GSTO2: variants seen among roughly 807,000 people sequenced by gnomAD.
GSTO2 encodes the protein glutathione S-transferase omega 2.
In GSTO2, 23 loss-of-function variants were observed where a neutral mutation model predicts 28.4. The ratio of observed to expected loss-of-function variants is 0.81; its 90% CI spans 0.58 to 1.15. The LOEUF is 1.15. Ranked by LOEUF, GSTO2 falls within the 50% of genes most tolerant of loss-of-function variation. GSTO2 has a pLI of 0.00. For missense variants in GSTO2, 298 were observed against 297.8 expected (o/e 1.00, Z 0.00); for synonymous variants, 109 against 111.0 (o/e 0.98, Z 0.11).
At chr10:104,289,521 T>C (rs2012654544) in intron 5 of GSTO2, among the ~76,000 whole-genome samples, 1 of 152,146 alleles carries the variant, frequency 6.6e-6, no homozygotes, top group Non-Finnish European at 1.5e-5. Flanking sequence ...AGAATCTAGG[T>C]CATAACTGAT....
chr10:104,290,552 T>G (rs2012716126), intron 5 of GSTO2, among the ~76,000 whole-genome samples: 1 of 149,514 alleles, frequency 6.7e-6, no homozygotes. Flanking sequence ...CACAATGGAG[T>G]ACTATTTGGC....
intron 5 of GSTO2, chr10:104,296,189 A>T (rs1452703184): frequency 1.3e-5 from 2 of 152,168 alleles, no homozygotes; most frequent in Non-Finnish European, 2.9e-5. Flanking sequence ...TTTACAGTCC[A>T]TCTGATTTAC....
chr10:104,299,087 C>T (rs570537829), intron 6 of GSTO2, 41 bp from the exon 7 acceptor site: 10 of 1,511,262 alleles, frequency 6.6e-6, no homozygotes, highest in African/African-American at 2.9e-5. Context: ...TTCCTGATGC[C>T]TACCCCTGCA....
chr10:104,289,816 C>G (rs182584453), intron 5 of GSTO2, among the ~76,000 whole-genome samples: 38 of 152,258 alleles, frequency 2.5e-4, no homozygotes, highest in Non-Finnish European at 2.2e-4. Context: ...AAATGGCAAA[C>G]AGACATATGA....
intron 5 of GSTO2, among the ~76,000 whole-genome samples, chr10:104,282,246 A>G (rs1417464162): frequency 4.7e-5 from 7 of 148,718 alleles, no homozygotes; most frequent in African/African-American, 1.5e-4. Flanking sequence ...AAAAAAAAGA[A>G]AAGAAAAGAA....
chr10:104,300,359 G>A lies in GSTO2; in HGVS notation c.*1075G>A, dbSNP rs1254862280. The A allele has an allele frequency of 6.6e-6, 1 of 152,260 alleles. No homozygotes were observed. The highest frequency in any genetic ancestry group is 1.5e-5 in the Non-Finnish European group (1 of 68,058). The allele number at this position is 152,260 out of a possible 1,614,324, so 9.4% of individuals were successfully genotyped here. The stretch of plus-strand genomic sequence containing the variant: ...CCAATTCATCTCAACAAATGCCTCT[G>A]GTTGCCTGTTGTGTACCAAGCCCAG... On this transcript the variant is annotated 3_prime_UTR_variant, in exon 7 of 7. Coordinates refer to ENST00000338595, the MANE Select transcript of GSTO2 (RefSeq NM_183239.2).
intron 5 of GSTO2, chr10:104,285,811 T>C (rs999586454): frequency 4.8e-6 from 1 of 208,336 alleles, no homozygotes; most frequent in African/African-American, 2.3e-5. Flanking sequence ...AAAAAAGACA[T>C]TTATTCAAGT....
chr10:104,303,561 T>A lies in GSTO2; in HGVS notation c.*4277T>A, dbSNP rs1439043476. 1 of 152,210 alleles carries A rather than the reference T, an allele frequency of 6.6e-6. No homozygotes were observed. The highest frequency in any genetic ancestry group is 1.5e-5 in the Non-Finnish European group (1 of 68,040). 9.4% of individuals were successfully genotyped at this position (152,210 alleles called of 1,614,324 possible). On this transcript the variant is annotated 3_prime_UTR_variant, in exon 7 of 7. Coordinates refer to ENST00000338595, the MANE Select transcript of GSTO2 (RefSeq NM_183239.2). ...AAAGAAATTATGTTAAGTTGGAACT[T>A]ATATTTACAGGGGAAGCAGAGCGTA... is the stretch of plus-strand genomic sequence containing the variant.
chr10:104,291,015 C>A lies in GSTO2; in HGVS notation c.469-6563C>A, dbSNP rs192477659. On this transcript the variant is annotated intron_variant, in intron 5 of 6. Transcript: ENST00000338595. ...AATATGTACCCCATAAATATATACA[C>A]CTACTATGTGCCCACGAAAAATAAA... Among the ~76,000 whole-genome samples the A allele has an allele frequency of 5.5e-4, 83 of 152,256 alleles. 2 individuals carry two copies. In the East Asian group the frequency reaches 0.016, roughly 29 times the overall value.
At chr10:104,298,733 A>C (rs1156742592) in intron 6 of GSTO2, among the ~76,000 whole-genome samples, 2 of 152,164 alleles carry the variant, frequency 1.3e-5, no homozygotes, top group African/African-American at 4.8e-5. Context: ...TATATCTCCT[A>C]AAGTAAAATC....
At chr10:104,278,505 G>A (rs751929897) in intron 4 of GSTO2, among the ~76,000 whole-genome samples, 10 of 151,852 alleles carry the variant, frequency 6.6e-5, no homozygotes, top group Non-Finnish European at 1.5e-4. Context: ...TTTTTGAGAC[G>A]GAGTCTCGCT....
At position 104,301,786 on chromosome 10, in the gene GSTO2, C is replaced by G. The variant is rs1404243924; in HGVS notation, c.*2502C>G. The G allele has an allele frequency of 6.6e-6, 1 of 152,104 alleles. No individual in the cohort carries two copies. The highest frequency in any genetic ancestry group is 1.9e-4 in the East Asian group (1 of 5,200). 9.4% of individuals were successfully genotyped at this position (152,104 alleles called of 1,614,324 possible). A position where few individuals can be genotyped will look rare whatever the true frequency, so the allele number is the denominator to read the frequency against. On this transcript the variant is annotated 3_prime_UTR_variant, in exon 7 of 7. Coordinates refer to ENST00000338595, the MANE Select transcript of GSTO2 (RefSeq NM_183239.2). ...TAGAGATGGGGTTTCGCTATGTTGA[C>G]CAGGCTGGTCTTGAACTCCTGGCTT...
At chr10:104,278,733 G>A (rs530689834) in intron 4 of GSTO2, among the ~76,000 whole-genome samples, 34 of 152,204 alleles carry the variant, frequency 2.2e-4, no homozygotes, top group African/African-American at 8.2e-4. Context: ...TGCCTGCCTC[G>A]GCCTCCCAAA....
At chr10:104,275,166 C>T (rs2011566532) in intron 2 of GSTO2, 60 bp from the exon 3 acceptor site, 3 of 1,550,074 alleles carry the variant, frequency 1.9e-6, no homozygotes, top group Non-Finnish European at 1.7e-6. Flanking sequence ...GAGCGAGCTC[C>T]TTCCTCACCG....
At chr10:104,277,299 T>TA (rs1486864829) in intron 3 of GSTO2, among the ~76,000 whole-genome samples, 1 of 152,116 alleles carries the variant, frequency 6.6e-6, no homozygotes, top group African/African-American at 2.4e-5. Context: ...TACTACTTTT[T>TA]TTTTTTTTTA....
intron 5 of GSTO2, among the ~76,000 whole-genome samples, chr10:104,288,862 T>C (rs913492002): frequency 2.6e-5 from 4 of 152,256 alleles, no homozygotes; most frequent in Non-Finnish European, 5.9e-5. Flanking sequence ...TATATATTTT[T>C]GCATATGGAA....
Position 104,275,228 on chromosome 10 carries a change from A to G in GSTO2, c.37A>G (p.Ser13Gly). ...CCCCCTCCATCGCTGCTCTGCAGGA[A>G]GCCAGCCCCCAGGGCCAGTCCCGGA... ...GDATRTLGKG[S>G]QPPGPVPEGL... is the part of the protein sequence containing the mutation. The change falls in exon 3 of 7, where the codon AGC becomes GGC. Residue 13 changes from serine (S) to glycine (G), a missense_variant and splice_region_variant. By Grantham distance (56) the Ser-to-Gly change is moderately conservative. Transcript: ENST00000338595. The G allele has an allele frequency of 6.2e-7, 1 of 1,612,712 alleles. No homozygotes were observed.
intron 1 of GSTO2, 31 bp from the exon 2 acceptor site, chr10:104,274,654 T>C (rs1342033760): frequency 5.4e-6 from 3 of 559,630 alleles, no homozygotes; most frequent in Non-Finnish European, 9.4e-6. Flanking sequence ...GCTTTTCTGG[T>C]GTTATTTTGT....
intron 5 of GSTO2, among the ~76,000 whole-genome samples, chr10:104,294,777 G>A (rs1043627199): frequency 6.6e-6 from 1 of 152,150 alleles, no homozygotes; most frequent in Non-Finnish European, 1.5e-5. Flanking sequence ...GTTATTTTAT[G>A]AGCGTTTATA....
Sources: allele counts gnomAD v4.1 joint callset (sites outside exome capture counted in the v4.1 genomes callset), GRCh38; gene constraint gnomAD v4.1.1; transcripts MANE v1.5; gene names NCBI Gene and HGNC (gene_info 2026-07-23, HGNC 2026-07-21).